RTL9: variants seen among roughly 807,000 people sequenced by gnomAD.
The protein encoded by RTL9 is retrotransposon Gag-like protein 9.
A neutral mutation model predicts 44.7 loss-of-function variants in RTL9; 19 were observed. That is an observed-to-expected ratio of 0.42 (90% CI 0.30 to 0.62). The LOEUF (loss-of-function observed/expected upper bound fraction) is 0.62, where lower values mean the gene tolerates loss of function less well. Ranked by LOEUF, RTL9 falls within the 20% of genes least tolerant of loss-of-function variation. RTL9 has a pLI of 0.16. For synonymous variants in RTL9, 407 were observed against 398.9 expected, an observed-to-expected ratio of 1.02 and a Z score of -0.24; for missense variants, 1,105 against 1,080.6, an observed-to-expected ratio of 1.02 and a Z score of -0.32.
intron 1 of RTL9, among the ~76,000 whole-genome samples, chrX:110,442,396 T>G (rs932632383): frequency 2.7e-5 from 3 of 111,317 alleles, no homozygotes; most frequent in African/African-American, 9.8e-5. Context: ...AAATAAACTC[T>G]GTCTGCAGTC....
chrX:110,366,928 G>A (rs1052603083), intron 1 of RTL9, among the ~76,000 whole-genome samples: 3 of 110,884 alleles, frequency 2.7e-5, no homozygotes, highest in African/African-American at 6.6e-5. Flanking sequence ...TCAAACTTCC[G>A]ACACTTGTTT....
intron 1 of RTL9, among the ~76,000 whole-genome samples, chrX:110,375,251 G>T (rs2068368234): frequency 1.8e-5 from 2 of 112,111 alleles, no homozygotes; most frequent in East Asian, 2.8e-4. Flanking sequence ...ATATAAGAAA[G>T]AAAGAAAGAT....
chrX:110,387,595 T>C (rs2068464824), intron 1 of RTL9, among the ~76,000 whole-genome samples: 1 of 111,577 alleles, frequency 9.0e-6, no homozygotes, highest in African/African-American at 3.3e-5. Context: ...ATGTATGGTA[T>C]TATAATATTA....
At chrX:110,451,092 C>A in exon 1 of RTL9, 1 of 1,212,062 alleles carries the variant, frequency 8.3e-7, no homozygotes, top group Non-Finnish European at 1.1e-6. Flanking sequence ...AATGGTAGCA[C>A]CAGATTCTGC....
At chrX:110,403,630 ACTCATAGC>A (rs1337362229) in intron 1 of RTL9, among the ~76,000 whole-genome samples, 1 of 111,328 alleles carries the variant, frequency 9.0e-6, no homozygotes, top group Non-Finnish European at 1.9e-5. Flanking sequence ...CCTTACCCAG[ACTCATAGC>A]CTCATAGCTA....
chrX:110,419,559 G>T (rs1005931971), intron 1 of RTL9, among the ~76,000 whole-genome samples: 4 of 112,657 alleles, frequency 3.6e-5, no homozygotes, highest in Non-Finnish European at 7.5e-5. Flanking sequence ...AGAGGACAGG[G>T]ACCTTGTCTG....
intron 1 of RTL9, among the ~76,000 whole-genome samples, chrX:110,388,104 T>C (rs2068470351): frequency 9.0e-6 from 1 of 111,029 alleles, no homozygotes; most frequent in Non-Finnish European, 1.9e-5. Context: ...CCTGACCTCA[T>C]GATCTGCCCG....
At chrX:110,445,268 G>T (rs2068902236) in exon 2 of RTL9, 1 of 112,265 alleles carries the variant, frequency 8.9e-6, no homozygotes, top group Non-Finnish European at 1.9e-5. Context: ...TGAGAGCCAA[G>T]GTAAGTTACT....
At chrX:110,415,619 T>C (rs1442928311), upstream of RTL9, among the ~76,000 whole-genome samples, 1 of 111,103 alleles carries the variant, frequency 9.0e-6, no homozygotes, top group Non-Finnish European at 1.9e-5. Context: ...CTGACTCAGG[T>C]TTGCATGGTC....
intron 1 of RTL9, among the ~76,000 whole-genome samples, chrX:110,391,960 C>T (rs1365973840): frequency 8.9e-6 from 1 of 112,166 alleles, no homozygotes; most frequent in Non-Finnish European, 1.9e-5. Context: ...TACCAATGAA[C>T]TCTGTTCAAA....
chrX:110,456,120 T>A (rs2068979350), exon 2 of RTL9: 1 of 112,318 alleles, frequency 8.9e-6, no homozygotes, highest in African/African-American at 3.2e-5. Flanking sequence ...TTGGCTGTTG[T>A]GCTTCATGGC....
At chrX:110,391,871 T>C (rs2068495931) in intron 1 of RTL9, among the ~76,000 whole-genome samples, 1 of 112,063 alleles carries the variant, frequency 8.9e-6, no homozygotes, top group South Asian at 3.7e-4. Flanking sequence ...CACAGACACA[T>C]AGCCAGATTT....
At chrX:110,426,002 GCACACA>G (rs201141674) in intron 1 of RTL9, among the ~76,000 whole-genome samples, 4 of 107,492 alleles carry the variant, frequency 3.7e-5, no homozygotes, top group South Asian at 3.9e-4. Context: ...ACACACAAAC[GCACACA>G]CACACACACA....
At chrX:110,443,334 C>G (rs1316724406) in intron 1 of RTL9, among the ~76,000 whole-genome samples, 1 of 111,309 alleles carries the variant, frequency 9.0e-6, no homozygotes, top group African/African-American at 3.3e-5. Flanking sequence ...TCACCCCAGA[C>G]CTATATTGAA....
At chrX:110,400,097 C>T (rs377670065) in intron 1 of RTL9, among the ~76,000 whole-genome samples, 2 of 109,742 alleles carry the variant, frequency 1.8e-5, no homozygotes, top group East Asian at 2.8e-4. Context: ...AATCTTCCTC[C>T]CTGACATTCT....
intron 1 of RTL9, among the ~76,000 whole-genome samples, chrX:110,425,977 C>T (rs997900750): frequency 4.5e-5 from 5 of 110,161 alleles, no homozygotes; most frequent in Non-Finnish European, 7.5e-5. Context: ...TGCGTGCGTG[C>T]GCGCACACAC....
intron 1 of RTL9, among the ~76,000 whole-genome samples, chrX:110,389,614 G>T (rs1427753190): frequency 1.9e-5 from 2 of 106,391 alleles, no homozygotes; most frequent in African/African-American, 6.8e-5. Flanking sequence ...CAATCTTTTT[G>T]TTTTTTTTTT....
At chrX:110,381,975 A>G (rs989012324) in intron 1 of RTL9, among the ~76,000 whole-genome samples, 1 of 111,402 alleles carries the variant, frequency 9.0e-6, no homozygotes, top group African/African-American at 3.3e-5. Flanking sequence ...CCCTTGTAAT[A>G]AACCTGTACA....
intron 1 of RTL9, among the ~76,000 whole-genome samples, chrX:110,373,224 C>T (rs945145905): frequency 2.7e-5 from 3 of 111,768 alleles, no homozygotes; most frequent in African/African-American, 9.8e-5. Flanking sequence ...AGTAAATGTG[C>T]TATATTGCTT....
Sources: allele counts gnomAD v4.1 joint callset (sites outside exome capture counted in the v4.1 genomes callset), GRCh38; gene constraint gnomAD v4.1.1; transcripts MANE v1.5; gene names NCBI Gene and HGNC (gene_info 2026-07-23, HGNC 2026-07-21).